CFAP299: variants seen among roughly 807,000 people sequenced by gnomAD.
The protein encoded by CFAP299 is cilia and flagella associated protein 299.
In CFAP299, 21 loss-of-function variants were observed where a neutral mutation model predicts 27.0. The ratio of observed to expected loss-of-function variants is 0.78; its 90% CI spans 0.55 to 1.12. The LOEUF is 1.12. CFAP299 is among the 50% of genes most tolerant of loss of function. The probability of loss-of-function intolerance (pLI) is 0.00; values close to 1 mark genes in which losing one functional copy is unlikely to be tolerated. For synonymous variants in CFAP299, 104 were observed against 98.1 expected (o/e 1.06, Z -0.36); for missense variants, 310 against 276.6 (o/e 1.12, Z -0.86).
At chr4:80,747,433 A>G (rs1035106480) in intron 3 of CFAP299, among the ~76,000 whole-genome samples, 15 of 152,196 alleles carry the variant, frequency 9.9e-5, no homozygotes, top group African/African-American at 3.6e-4. Context: ...TATGCAGTTC[A>G]ACATTGATTG....
chr4:80,437,808 T>C (rs982810831), intron 2 of CFAP299, among the ~76,000 whole-genome samples: 1 of 152,202 alleles, frequency 6.6e-6, no homozygotes, highest in Non-Finnish European at 1.5e-5. Context: ...TATTGTAATT[T>C]TTATTTTAAT....
chr4:80,551,642 A>T (rs1734516502), intron 2 of CFAP299, among the ~76,000 whole-genome samples: 1 of 152,164 alleles, frequency 6.6e-6, no homozygotes. Flanking sequence ...TTAGTTATAT[A>T]CATGGAAATA....
At chr4:80,765,555 G>A (rs2110080485) in intron 3 of CFAP299, among the ~76,000 whole-genome samples, 1 of 151,502 alleles carries the variant, frequency 6.6e-6, no homozygotes, top group South Asian at 2.1e-4. Context: ...TAAATGAATA[G>A]GTATAAAAAT....
rs1429916020 is a variant in CFAP299, at chr4:80,799,685, A to AT, written c.334-70307dup. On this transcript the variant is annotated intron_variant, in intron 3 of 5. Coordinates refer to ENST00000358105, the MANE Select transcript of CFAP299 (RefSeq NM_152770.3). ...ATATTTTATAAATATATATTTATAA[A>AT]TATATAATATATAAAATATATATTT... is the stretch of plus-strand genomic sequence containing the variant. Among the ~76,000 whole-genome samples the AT allele has an allele frequency of 6.4e-4, 30 of 46,676 alleles. 2 individuals carry two copies. The highest frequency in any genetic ancestry group is 3.2e-3 in the African/African-American group (30 of 9,262). The allele number at this position is 46,676 out of a possible 152,430, so 30.6% of individuals were successfully genotyped here.
rs781629311 is a variant in CFAP299 at position 80,390,580 on chromosome 4, T to C, written c.242+27696T>C. Among the ~76,000 whole-genome samples, 49 of 20,724 alleles carry C rather than the reference T, an allele frequency of 2.4e-3. 2 individuals are homozygous for C. Among genetic ancestry groups the C allele is most frequent in the South Asian group, 7.1e-3 (2 of 282 alleles). 13.6% of individuals were successfully genotyped at this position (20,724 alleles called of 152,430 possible). A position where few individuals can be genotyped will look rare whatever the true frequency, so the allele number is the denominator to read the frequency against. ...ATATATGTATATATGTATACACACA[T>C]ATATGTATATATGTATATATGTATA... On this transcript the variant is annotated intron_variant, in intron 2 of 5. Transcript: ENST00000358105.
chr4:80,567,732 TA>T (rs1318539619), intron 2 of CFAP299, among the ~76,000 whole-genome samples: 4 of 960 alleles, frequency 4.2e-3, no homozygotes, highest in African/African-American at 9.6e-3. Flanking sequence ...CTAATGTATT[TA>T]TATATATATA....
intron 3 of CFAP299, among the ~76,000 whole-genome samples, chr4:80,690,136 A>G (rs1286749162): frequency 1.1e-4 from 16 of 149,726 alleles, no homozygotes; most frequent in Non-Finnish European, 4.4e-5. Flanking sequence ...CAGATCAACG[A>G]GACAGAAAAT....
the CFAP299 span, among the ~76,000 whole-genome samples, chr4:80,321,473 C>T: frequency 6.6e-6 from 1 of 152,152 alleles, no homozygotes; most frequent in Admixed American, 6.5e-5. Context: ...GGTGGGTGCT[C>T]TTTGGCTTCT....
chr4:80,539,849 T>C (rs1197649320), intron 2 of CFAP299, among the ~76,000 whole-genome samples: 1 of 152,110 alleles, frequency 6.6e-6, no homozygotes, highest in Non-Finnish European at 1.5e-5. Context: ...GATATGACTG[T>C]AGTGTGAATA....
intron 4 of CFAP299, among the ~76,000 whole-genome samples, chr4:80,911,371 A>C (rs1302243565): frequency 4.3e-4 from 66 of 152,092 alleles, no homozygotes; most frequent in Admixed American, 4.3e-3. Flanking sequence ...AATATAAATC[A>C]GCTTACAAGA....
chr4:80,522,848 T>C (rs1732991247), intron 2 of CFAP299, among the ~76,000 whole-genome samples: 1 of 152,132 alleles, frequency 6.6e-6, no homozygotes. Context: ...TTTTTTTCCA[T>C]TGGTTTATAT....
chr4:80,886,672 C>T (rs1049618585), intron 4 of CFAP299, among the ~76,000 whole-genome samples: 1 of 152,070 alleles, frequency 6.6e-6, no homozygotes, highest in Non-Finnish European at 1.5e-5. Context: ...TGCCAAGGCA[C>T]TGATGAGCAT....
At chr4:80,519,922 C>G (rs960046035) in intron 2 of CFAP299, among the ~76,000 whole-genome samples, 1 of 152,122 alleles carries the variant, frequency 6.6e-6, no homozygotes, top group African/African-American at 2.4e-5. Context: ...ATTTGGAGCT[C>G]TGAACACATA....
intron 3 of CFAP299, among the ~76,000 whole-genome samples, chr4:80,584,631 G>C (rs1339150055): frequency 6.6e-6 from 1 of 151,816 alleles, no homozygotes; most frequent in East Asian, 1.9e-4. Flanking sequence ...TCTCTTTCTT[G>C]GGCGGATCAT....
At chr4:80,459,559 C>T (rs1729337827) in intron 2 of CFAP299, among the ~76,000 whole-genome samples, 1 of 152,140 alleles carries the variant, frequency 6.6e-6, no homozygotes, top group Non-Finnish European at 1.5e-5. Context: ...TTGGTCTCTC[C>T]TTCTGCCTTA....
chr4:80,447,155 A>G lies in CFAP299; in HGVS notation c.242+84271A>G, dbSNP rs1416264740. ...GTTTTTTTTTTTTTTTTTTTTTTTG[A>G]GACGGAGTCTCGCTCTGTCACCCAG... On this transcript the variant is annotated intron_variant, in intron 2 of 5. Transcript: ENST00000358105. Among the ~76,000 whole-genome samples the G allele has an allele frequency of 6.9e-4, 39 of 56,756 alleles. 1 individual carries two copies. The highest frequency in any genetic ancestry group is 9.4e-4 in the Non-Finnish European group (36 of 38,174). 37.2% of individuals were successfully genotyped at this position (56,756 alleles called of 152,430 possible).
chr4:80,490,237 G>A (rs574964872), intron 2 of CFAP299, among the ~76,000 whole-genome samples: 2 of 152,052 alleles, frequency 1.3e-5, no homozygotes, highest in African/African-American at 4.8e-5. Context: ...ACATAGCTTG[G>A]CCTCTCTTCT....
chr4:80,900,123 A>AGAGT (rs1553904499), intron 4 of CFAP299, among the ~76,000 whole-genome samples: 3 of 139,896 alleles, frequency 2.1e-5, no homozygotes, highest in African/African-American at 8.0e-5. Flanking sequence ...AGTGGAAGAA[A>AGAGT]GTGTGTGTGT....
chr4:80,684,646 T>C (rs1226426409), intron 3 of CFAP299, among the ~76,000 whole-genome samples: 2 of 152,126 alleles, frequency 1.3e-5, no homozygotes, highest in Admixed American at 1.3e-4. Context: ...CATTATAGTA[T>C]CTAAACTAGA....
Sources: gnomAD v4.1 joint callset for allele counts (sites outside exome capture counted in the v4.1 genomes callset) on GRCh38, gnomAD v4.1.1 for gene constraint, MANE v1.5 for transcripts, NCBI Gene and HGNC (gene_info 2026-07-23, HGNC 2026-07-21) for gene names.